The following ROBO1 variants were observed in gnomAD, a reference collection of about 807,000 sequenced individuals.
ROBO1 encodes the protein roundabout homolog 1.
ROBO1 carries 149 observed loss-of-function variants against 195.9 expected under a neutral mutation model. The observed-to-expected ratio is 0.76, with a 90% CI of 0.67 to 0.87. ROBO1 has a LOEUF of 0.87. Among genes scored for constraint, ROBO1 ranks in the 40% least tolerant of loss-of-function variants. ROBO1 has a pLI of 0.00. For missense variants in ROBO1, 1,933 were observed against 2,068.3 expected (o/e 0.93, Z 1.27); for synonymous variants, 816 against 733.2 (o/e 1.11, Z -1.82).
rs73131068 is a variant in ROBO1 at position 79,500,474 on chromosome 3, A to T, written c.88+89350T>A. ...TGTCCTCAGTGAGGTGCTGAGCTCC[A>T]TTGTTGTTGATGTCTTTCTTGTTTT... On this transcript the variant is annotated intron_variant, in intron 2 of 30. Transcript: ENST00000464233. Among the ~76,000 whole-genome samples, 3 of 152,188 alleles carry T rather than the reference A, an allele frequency of 2.0e-5. No individual in the cohort carries two copies. In the East Asian group the frequency reaches 5.8e-4, roughly 30 times the overall value.
chr3:78,669,500 G>C (rs1383530419), intron 11 of ROBO1, among the ~76,000 whole-genome samples: 1 of 152,126 alleles, frequency 6.6e-6, no homozygotes. Flanking sequence ...AAAAAAAGAA[G>C]AAAAATCAAA....
intron 10 of ROBO1, among the ~76,000 whole-genome samples, chr3:78,683,046 C>T (rs2080965002): frequency 6.6e-6 from 1 of 152,034 alleles, no homozygotes; most frequent in African/African-American, 2.4e-5. Context: ...CAATAATGGA[C>T]ATATTTTTCT....
At position 78,834,092 on chromosome 3, in the gene ROBO1, C is replaced by T. The variant is rs180764544; in HGVS notation, c.500-87192G>A. Among the ~76,000 whole-genome samples, 27 of 151,964 alleles carry T rather than the reference C, an allele frequency of 1.8e-4. No homozygotes were observed. In the East Asian group the frequency reaches 3.1e-3, roughly 17 times the overall value. On this transcript the variant is annotated intron_variant, in intron 4 of 30. Coordinates refer to ENST00000464233, the MANE Select transcript of ROBO1 (RefSeq NM_002941.4). Reference sequence around the variant, plus strand: ...AGTAAGGTAGGAAATGGAAAATTATCGCTTATGTACTACAAAGAGAAGGAC... The same window carrying T: ...AGTAAGGTAGGAAATGGAAAATTATTGCTTATGTACTACAAAGAGAAGGAC...
chr3:78,652,144 T>C (rs1421741668), intron 18 of ROBO1, among the ~76,000 whole-genome samples: 1 of 152,172 alleles, frequency 6.6e-6, no homozygotes, highest in Non-Finnish European at 1.5e-5. Flanking sequence ...GTGTGACAAT[T>C]GTATAGAATC....
At chr3:79,219,517 C>T (rs550260153) in intron 2 of ROBO1, among the ~76,000 whole-genome samples, 23 of 152,020 alleles carry the variant, frequency 1.5e-4, no homozygotes, top group South Asian at 6.2e-4. Flanking sequence ...CAGTATGACC[C>T]GTAAACCTCT....
In ROBO1 at chr3:79,569,699, ATG is replaced by A. The variant is rs1333459009; in HGVS notation, c.88+20123_88+20124del. 4.7e-5 allele frequency among the ~76,000 whole-genome samples: 7 copies of A among 149,382 alleles called. No homozygotes were observed. In the East Asian group the frequency reaches 5.9e-4, roughly 13 times the overall value. On this transcript the variant is annotated intron_variant, in intron 2 of 30. Transcript: ENST00000464233. Reference sequence around the variant, plus strand: ...TATATATGTGTGTGTGTATATATATATGTGTGTGTGTATATATATATGTGTGT... The same window carrying A: ...TATATATGTGTGTGTGTATATATATATGTGTGTGTATATATATATGTGTGT...
intron 2 of ROBO1, among the ~76,000 whole-genome samples, chr3:79,523,555 C>T (rs1941306179): frequency 6.8e-6 from 1 of 148,056 alleles, no homozygotes; most frequent in African/African-American, 2.5e-5. Context: ...TTACTGCAAC[C>T]TCCGCCTCCT....
chr3:79,168,387 A>G (rs1576764021), intron 2 of ROBO1, among the ~76,000 whole-genome samples: 1 of 152,224 alleles, frequency 6.6e-6, no homozygotes, highest in East Asian at 1.9e-4. Context: ...ATCAGTGATG[A>G]AAATATCATA....
chr3:79,344,935 T>C (rs191860812), intron 2 of ROBO1, among the ~76,000 whole-genome samples: 7 of 152,066 alleles, frequency 4.6e-5, no homozygotes, highest in African/African-American at 1.7e-4. Context: ...TCTCTCCTGC[T>C]GCCATGTGAA....
intron 3 of ROBO1, among the ~76,000 whole-genome samples, chr3:78,982,528 G>A (rs956975014): frequency 6.6e-6 from 1 of 152,128 alleles, no homozygotes; most frequent in Non-Finnish European, 1.5e-5. Flanking sequence ...TTTGCTTTAG[G>A]AAAATAATAT....
At chr3:79,666,866 A>C (rs1047242808) in intron 1 of ROBO1, among the ~76,000 whole-genome samples, 2 of 151,932 alleles carry the variant, frequency 1.3e-5, no homozygotes, top group African/African-American at 4.8e-5. Flanking sequence ...TCAGTTACTT[A>C]TATTGACTTG....
At chr3:78,979,752 A>C (rs1445517582) in intron 3 of ROBO1, among the ~76,000 whole-genome samples, 2 of 152,042 alleles carry the variant, frequency 1.3e-5, no homozygotes, top group African/African-American at 2.4e-5. Context: ...GGCATAAGAA[A>C]CAAAAAGGTG....
intron 4 of ROBO1, among the ~76,000 whole-genome samples, chr3:78,888,128 G>A (rs753321297): frequency 7.2e-5 from 11 of 152,164 alleles, no homozygotes; most frequent in Non-Finnish European, 1.0e-4. Flanking sequence ...TGAGGACAGA[G>A]GAATTCATTC....
chr3:79,344,544 T>A (rs2035031571), intron 2 of ROBO1, among the ~76,000 whole-genome samples: 1 of 152,178 alleles, frequency 6.6e-6, no homozygotes, highest in Non-Finnish European at 1.5e-5. Flanking sequence ...GGCTATAAAG[T>A]ATATTCTCAG....
chr3:78,660,623 GA>G (rs1483681861), intron 16 of ROBO1: 5 of 160,836 alleles, frequency 3.1e-5, no homozygotes, highest in African/African-American at 1.2e-4. Flanking sequence ...GATTTAGGAA[GA>G]AAATGCTAAT....
chr3:78,799,812 G>GC, intron 4 of ROBO1, among the ~76,000 whole-genome samples: 1 of 152,226 alleles, frequency 6.6e-6, no homozygotes, highest in East Asian at 1.9e-4. Flanking sequence ...GCTCCCCAGT[G>GC]GGACTCTCCT....
chr3:79,713,570 A>G (rs567886441), intron 1 of ROBO1, among the ~76,000 whole-genome samples: 1 of 152,090 alleles, frequency 6.6e-6, no homozygotes, highest in South Asian at 2.1e-4. Flanking sequence ...AGTGAAATCT[A>G]TTGCTGTGCA....
At chr3:78,615,818 C>A (rs1450132715) in intron 27 of ROBO1, among the ~76,000 whole-genome samples, 4 of 152,090 alleles carry the variant, frequency 2.6e-5, no homozygotes, top group Non-Finnish European at 4.4e-5. Context: ...ATTAACACAG[C>A]CAAGTGAGAA....
intron 5 of ROBO1, among the ~76,000 whole-genome samples, chr3:78,736,991 T>G (rs1026632902): frequency 6.6e-6 from 1 of 152,174 alleles, no homozygotes; most frequent in South Asian, 2.1e-4. Flanking sequence ...CTGTTCTCGA[T>G]GCATGGGAAA....
Sources: gnomAD v4.1 joint callset for allele counts (sites outside exome capture counted in the v4.1 genomes callset) on GRCh38, gnomAD v4.1.1 for gene constraint, MANE v1.5 for transcripts, NCBI Gene and HGNC (gene_info 2026-07-23, HGNC 2026-07-21) for gene names.